Variants in RIMS1 observed in about 807,000 individuals in gnomAD.
RIMS1 encodes regulating synaptic membrane exocytosis protein 1.
RIMS1 carries 83 observed loss-of-function variants against 214.1 expected under a neutral mutation model. The ratio of observed to expected loss-of-function variants is 0.39; its 90% CI spans 0.32 to 0.47. The LOEUF (loss-of-function observed/expected upper bound fraction) is 0.47, where lower values mean the gene tolerates loss of function less well. RIMS1 is among the 20% of genes least tolerant of loss of function. RIMS1 has a pLI of 0.99. For synonymous variants in RIMS1, 793 were observed against 786.8 expected (o/e 1.01, Z -0.13); for missense variants, 2,050 against 2,161.8 (o/e 0.95, Z 1.03).
intron 6 of RIMS1, among the ~76,000 whole-genome samples, chr6:72,229,727 T>C (rs2061376371): frequency 1.3e-5 from 2 of 151,878 alleles, no homozygotes; most frequent in East Asian, 1.9e-4. Context: ...TAATCCAGAG[T>C]TAAGAGTTTA....
intron 2 of RIMS1, among the ~76,000 whole-genome samples, chr6:72,075,163 C>T (rs1325810370): frequency 6.6e-6 from 1 of 152,080 alleles, no homozygotes; most frequent in Non-Finnish European, 1.5e-5. Flanking sequence ...CTCACTGCAG[C>T]CTCGACCTTC....
At chr6:71,935,124 C>G (rs562457244) in intron 1 of RIMS1, among the ~76,000 whole-genome samples, 5 of 152,310 alleles carry the variant, frequency 3.3e-5, no homozygotes, top group African/African-American at 1.2e-4. Context: ...TTCCTTGGAG[C>G]TTTCCTTGCA....
At chr6:71,930,098 T>TA (rs1174207745) in intron 1 of RIMS1, among the ~76,000 whole-genome samples, 1 of 152,012 alleles carries the variant, frequency 6.6e-6, no homozygotes, top group Non-Finnish European at 1.5e-5. Flanking sequence ...TATGTATGTG[T>TA]AAAAAAGAAA....
At chr6:71,934,395 TA>T (rs1366973551) in intron 1 of RIMS1, among the ~76,000 whole-genome samples, 1 of 152,178 alleles carries the variant, frequency 6.6e-6, no homozygotes, top group Non-Finnish European at 1.5e-5. Context: ...ATTATCTACC[TA>T]AAAATACCCT....
chr6:72,144,071 G>A (rs144104772), intron 4 of RIMS1, among the ~76,000 whole-genome samples: 4 of 152,152 alleles, frequency 2.6e-5, no homozygotes, highest in African/African-American at 9.6e-5. Context: ...CTATAGCAGC[G>A]AACGCAGGCC....
At chr6:72,282,747 C>A (rs1221535717) in intron 23 of RIMS1, among the ~76,000 whole-genome samples, 1 of 151,976 alleles carries the variant, frequency 6.6e-6, no homozygotes, top group African/African-American at 2.4e-5. Flanking sequence ...AGTTCATATC[C>A]CCCTCAGTGC....
At chr6:72,075,689 G>A (rs1294430130) in intron 2 of RIMS1, among the ~76,000 whole-genome samples, 7 of 152,162 alleles carry the variant, frequency 4.6e-5, no homozygotes, top group Non-Finnish European at 1.0e-4. Flanking sequence ...ATTCTCATCA[G>A]TTCATTAGAA....
At chr6:72,340,400 G>T (rs1287888136) in intron 29 of RIMS1, among the ~76,000 whole-genome samples, 2 of 151,666 alleles carry the variant, frequency 1.3e-5, no homozygotes, top group South Asian at 2.1e-4. Context: ...TTTTCTTCTA[G>T]GGTTTTTATG....
intron 26 of RIMS1, 43 bp downstream of exon 26, chr6:72,292,089 G>A (rs1443914555): frequency 7.9e-7 from 1 of 1,261,094 alleles, no homozygotes; most frequent in Admixed American, 2.1e-5. Flanking sequence ...TCTTGGATTT[G>A]AGAACCTCCT....
At chr6:71,965,573 G>C (rs1290293808) in intron 1 of RIMS1, among the ~76,000 whole-genome samples, 2 of 152,088 alleles carry the variant, frequency 1.3e-5, no homozygotes, top group Non-Finnish European at 2.9e-5. Context: ...ACCATTCATC[G>C]CATTGATTGC....
intron 6 of RIMS1, among the ~76,000 whole-genome samples, chr6:72,195,432 A>G (rs150480661): frequency 6.6e-6 from 1 of 152,304 alleles, no homozygotes; most frequent in Non-Finnish European, 1.5e-5. Flanking sequence ...ATGCAAGAAT[A>G]TCAAACAATG....
Position 71,886,783 on chromosome 6 carries a change from G to A in RIMS1, c.-241G>A. 2 of 501,638 alleles carry A rather than the reference G, an allele frequency of 4.0e-6. No individual in the cohort carries two copies. Among genetic ancestry groups the A allele is most frequent in the South Asian group, 5.8e-5 (2 of 34,780 alleles). The allele number at this position is 501,638 out of a possible 1,614,324, so 31.1% of individuals were successfully genotyped here. On this transcript the variant is annotated 5_prime_UTR_variant, in exon 1 of 34. Coordinates refer to ENST00000521978, the MANE Select transcript of RIMS1 (RefSeq NM_014989.7). The stretch of plus-strand genomic sequence containing the variant: ...AGGCGGCCGGGCGGCCCCGAGCTTC[G>A]CTAGGGCGACCAAAACAAAGGCAGC...
At chr6:71,995,303 C>T (rs1803045071) in intron 2 of RIMS1, among the ~76,000 whole-genome samples, 1 of 152,100 alleles carries the variant, frequency 6.6e-6, no homozygotes, top group Non-Finnish European at 1.5e-5. Context: ...AAGCTAGTTC[C>T]TCAATCATTT....
chr6:72,124,070 A>G (rs181915732), intron 4 of RIMS1, among the ~76,000 whole-genome samples: 1,721 of 151,928 alleles, frequency 0.011, 39 homozygotes, highest in Non-Finnish European at 0.018. Context: ...CCTAGCATCA[A>G]TGGTGTTTAC....
chr6:72,148,562 T>C, intron 4 of RIMS1: 2 of 456,606 alleles, frequency 4.4e-6, no homozygotes, highest in East Asian at 7.0e-5. Flanking sequence ...GTCAGTAACC[T>C]TGAGTTCCCT....
chr6:71,984,206 G>T (rs569688758), intron 2 of RIMS1, among the ~76,000 whole-genome samples: 1 of 152,028 alleles, frequency 6.6e-6, no homozygotes, highest in African/African-American at 2.4e-5. Context: ...ATGCAAAAAG[G>T]CTTAAAAAAC....
chr6:72,395,076 A>T (rs979365181), intron 31 of RIMS1, among the ~76,000 whole-genome samples: 1 of 152,076 alleles, frequency 6.6e-6, no homozygotes, highest in Non-Finnish European at 1.5e-5. Flanking sequence ...ATAATTAGCT[A>T]CAAGAACTAT....
At chr6:72,192,946 C>T (rs1056000552) in intron 6 of RIMS1, among the ~76,000 whole-genome samples, 2 of 152,158 alleles carry the variant, frequency 1.3e-5, no homozygotes, top group Non-Finnish European at 2.9e-5. Context: ...CACAGACACA[C>T]CCAGAATAAT....
intron 6 of RIMS1, among the ~76,000 whole-genome samples, chr6:72,187,785 C>T (rs553239301): frequency 3.9e-4 from 60 of 152,100 alleles, no homozygotes; most frequent in Non-Finnish European, 5.4e-4. Context: ...AGCCATCGCG[C>T]CCAGCCCAGA....
Sources: allele counts gnomAD v4.1 joint callset (sites outside exome capture counted in the v4.1 genomes callset), GRCh38; gene constraint gnomAD v4.1.1; transcripts MANE v1.5; gene names NCBI Gene and HGNC (gene_info 2026-07-23, HGNC 2026-07-21).